The following SYNE3 variants were observed in gnomAD, a reference collection of about 807,000 sequenced individuals.
SYNE3 encodes the protein spectrin repeat containing nuclear envelope family member 3.
SYNE3 carries 100 observed loss-of-function variants against 111.2 expected under a neutral mutation model. The ratio of observed to expected loss-of-function variants is 0.90; its 90% CI spans 0.77 to 1.06. The LOEUF (loss-of-function observed/expected upper bound fraction) is 1.06. Among genes scored for constraint, SYNE3 ranks in the 50% least tolerant of loss-of-function variants. The pLI is 0.00. For missense variants in SYNE3, 1,160 were observed against 1,240.3 expected (o/e 0.94, Z 0.97); for synonymous variants, 547 against 533.9 (o/e 1.02, Z -0.34).
intron 1 of SYNE3, among the ~76,000 whole-genome samples, chr14:95,482,171 C>T (rs750394756): frequency 2.0e-5 from 3 of 151,980 alleles, no homozygotes; most frequent in East Asian, 1.9e-4. Context: ...TGGTGACTCA[C>T]GTTTGTAATC....
At chr14:95,445,724 T>C (rs1265131492) in intron 9 of SYNE3, among the ~76,000 whole-genome samples, 185 bp downstream of exon 9, 1 of 152,206 alleles carries the variant, frequency 6.6e-6, no homozygotes, top group Non-Finnish European at 1.5e-5. Context: ...AGAGGGACCA[T>C]GCAAGAATCC....
At chr14:95,480,930 G>A (rs757568875) in intron 1 of SYNE3, among the ~76,000 whole-genome samples, 1 of 152,210 alleles carries the variant, frequency 6.6e-6, no homozygotes, top group Non-Finnish European at 1.5e-5. Flanking sequence ...GGGGAGTAGC[G>A]GGGCTGCCTC....
chr14:95,495,389 G>C (rs898138404), intron 1 of SYNE3, among the ~76,000 whole-genome samples: 1 of 152,260 alleles, frequency 6.6e-6, no homozygotes, highest in African/African-American at 2.4e-5. Context: ...GCGACCCTAT[G>C]ATTGTCCTGG....
At chr14:95,429,907 T>G in intron 17 of SYNE3, 1 of 978,832 alleles carries the variant, frequency 1.0e-6, no homozygotes, top group Non-Finnish European at 1.2e-6. Flanking sequence ...CCAAGCAGGA[T>G]GTACAGTCTA....
Position 95,483,940 on chromosome 14 carries a change from G to A in SYNE3, c.-14-8105C>T, listed in dbSNP as rs17092537. Among the ~76,000 whole-genome samples the A allele has an allele frequency of 2.6e-3, 403 of 152,330 alleles. 15 individuals are homozygous for A. In the East Asian group the frequency reaches 0.046, roughly 17 times the overall value. ...GCCAGGGACTGCTTTGGAGGCAAGC[G>A]GTCCCGAAGCCATTTTAAGTCAGTC... On this transcript the variant is annotated intron_variant, in intron 1 of 17. Transcript: ENST00000682763.
rs562543113 is a variant in SYNE3, at chr14:95,438,803, G to T, written c.2376+230C>A. ...TGACTGGCTAAGGGATACCCCTACT[G>T]CCCTGGTGGCCTGGCTCTGCAGACT... On this transcript the variant is annotated intron_variant, in intron 14 of 17. Transcript: ENST00000682763. The T allele has an allele frequency of 1.1e-5, 6 of 527,044 alleles. No homozygotes were observed. The South Asian group carries it at 1.5e-4, about 13-fold the overall frequency. The allele number at this position is 527,044 out of a possible 1,614,324, so 32.6% of individuals were successfully genotyped here.
chr14:95,482,592 G>C (rs899764771), intron 1 of SYNE3, among the ~76,000 whole-genome samples: 1 of 152,100 alleles, frequency 6.6e-6, no homozygotes, highest in African/African-American at 2.4e-5. Context: ...CAAAGAAAGC[G>C]GCAACGTCAG....
At chr14:95,484,439 C>T (rs1033216384) in intron 1 of SYNE3, among the ~76,000 whole-genome samples, 2 of 152,128 alleles carry the variant, frequency 1.3e-5, no homozygotes, top group African/African-American at 2.4e-5. Context: ...ACCCTGGCCA[C>T]GGAGTAACAG....
At chr14:95,431,361 T>A (rs1885750721) in intron 17 of SYNE3, among the ~76,000 whole-genome samples, 2 of 152,138 alleles carry the variant, frequency 1.3e-5, no homozygotes, top group Non-Finnish European at 2.9e-5. Context: ...TTCTGTTTCC[T>A]CGCGCTGAAA....
At chr14:95,441,660 C>T (rs1315493276) in intron 11 of SYNE3, among the ~76,000 whole-genome samples, 2 of 152,236 alleles carry the variant, frequency 1.3e-5, no homozygotes, top group Non-Finnish European at 1.5e-5. Context: ...GCTGCTTCTA[C>T]GGGTTTCTAT....
intron 11 of SYNE3, among the ~76,000 whole-genome samples, chr14:95,442,816 C>T (rs1041724540): frequency 1.3e-5 from 2 of 152,154 alleles, no homozygotes; most frequent in African/African-American, 2.4e-5. Flanking sequence ...CTTCTTTTGC[C>T]GCTTGGCCCT....
At chr14:95,456,106 T>C (rs1336906470) in intron 5 of SYNE3, 1 of 330,988 alleles carries the variant, frequency 3.0e-6, no homozygotes, top group African/African-American at 2.1e-5. Flanking sequence ...TGTGTGGTTA[T>C]CTACCTATTT....
chr14:95,407,608 A>G lies in SYNE3; in HGVS notation c.*10218T>C, dbSNP rs1280261860. ...TATTGCAAATGCATGTTTTACCATCACAAATAATATGACAAGAGTAGATAT... is the reference window on the plus strand; with the variant it reads ...TATTGCAAATGCATGTTTTACCATCGCAAATAATATGACAAGAGTAGATAT... On this transcript the variant is annotated 3_prime_UTR_variant, in exon 18 of 18. Transcript: ENST00000682763. 2 of 152,222 alleles carry G rather than the reference A, an allele frequency of 1.3e-5. No individual in the cohort carries two copies. Among genetic ancestry groups the G allele is most frequent in the Non-Finnish European group, 1.5e-5 (1 of 68,042 alleles). The allele number at this position is 152,222 out of a possible 1,614,324, so 9.4% of individuals were successfully genotyped here.
At chr14:95,446,158 G>A (rs1886707176) in intron 8 of SYNE3, 67 bp from the exon 9 acceptor site, 1 of 1,570,716 alleles carries the variant, frequency 6.4e-7, no homozygotes, top group Non-Finnish European at 8.7e-7. Flanking sequence ...AGAGCCAGGG[G>A]CACAACTGTT....
intron 8 of SYNE3, chr14:95,449,498 A>G: frequency 7.1e-6 from 7 of 985,480 alleles, no homozygotes; most frequent in Non-Finnish European, 8.4e-6. Flanking sequence ...GACCTGGCTT[A>G]GAACTACAAA....
chr14:95,505,649 TTTC>T (rs1890501763), intron 1 of SYNE3, among the ~76,000 whole-genome samples: 1 of 152,238 alleles, frequency 6.6e-6, no homozygotes, highest in Non-Finnish European at 1.5e-5. Flanking sequence ...AAGTTTTTTT[TTTC>T]TTTTTACCTT....
chr14:95,457,706 T>G (rs1376419464), intron 4 of SYNE3, among the ~76,000 whole-genome samples: 3 of 152,124 alleles, frequency 2.0e-5, no homozygotes, highest in Non-Finnish European at 2.9e-5. Context: ...CTCGCCAAGG[T>G]GCTGGGCACT....
intron 14 of SYNE3, chr14:95,438,371 G>A (rs544964997): frequency 6.6e-6 from 1 of 152,408 alleles, no homozygotes; most frequent in South Asian, 2.1e-4. Flanking sequence ...TGTAGGTGTA[G>A]CTCACCATAC....
chr14:95,469,164 C>T (rs1389193961), intron 2 of SYNE3, among the ~76,000 whole-genome samples: 4 of 152,152 alleles, frequency 2.6e-5, no homozygotes, highest in Non-Finnish European at 5.9e-5. Context: ...ATCCCCAGCC[C>T]GTCTCCCTGA....
Sources: gnomAD v4.1 joint callset for allele counts (sites outside exome capture counted in the v4.1 genomes callset) on GRCh38, gnomAD v4.1.1 for gene constraint, MANE v1.5 for transcripts, NCBI Gene and HGNC (gene_info 2026-07-23, HGNC 2026-07-21) for gene names.